RIT2: variants seen among roughly 807,000 people sequenced by gnomAD.
The protein encoded by RIT2 is GTP-binding protein Rit2.
Under a neutral mutation model 23.7 loss-of-function variants are expected in RIT2, and 24 were observed. The observed-to-expected ratio is 1.01, with a 90% confidence interval of 0.73 to 1.43. The LOEUF (loss-of-function observed/expected upper bound fraction) is 1.43, where lower values mean the gene tolerates loss of function less well. RIT2 is among the 40% of genes most tolerant of loss of function. The probability of loss-of-function intolerance (pLI) is 0.00; values close to 1 mark genes in which losing one functional copy is unlikely to be tolerated. For synonymous variants in RIT2, 107 were observed against 91.1 expected (o/e 1.17, Z -0.99); for missense variants, 236 against 266.9 (o/e 0.88, Z 0.81).
chr18:42,981,842 T>C (rs931679981), intron 2 of RIT2, among the ~76,000 whole-genome samples: 1 of 152,078 alleles, frequency 6.6e-6, no homozygotes, highest in Non-Finnish European at 1.5e-5. Flanking sequence ...GTCTCAGGAA[T>C]ATAACAGCTA....
chr18:42,904,623 A>G (rs1272301011), intron 4 of RIT2, among the ~76,000 whole-genome samples: 1 of 152,196 alleles, frequency 6.6e-6, no homozygotes, highest in Non-Finnish European at 1.5e-5. Context: ...TTTGTAGACA[A>G]ATAACAAAAT....
chr18:43,070,003 G>A (rs1175030913), intron 1 of RIT2, among the ~76,000 whole-genome samples: 1 of 152,002 alleles, frequency 6.6e-6, no homozygotes, highest in African/African-American at 2.4e-5. Context: ...TAAAATGTAA[G>A]TTCTCTAAGT....
intron 3 of RIT2, among the ~76,000 whole-genome samples, chr18:42,957,179 A>G (rs1909992164): frequency 1.3e-5 from 2 of 152,174 alleles, no homozygotes; most frequent in African/African-American, 2.4e-5. Flanking sequence ...GTGAGCCAAC[A>G]CACCCCCTTT....
At chr18:43,051,468 G>A (rs533101417) in intron 1 of RIT2, among the ~76,000 whole-genome samples, 1 of 152,166 alleles carries the variant, frequency 6.6e-6, no homozygotes, top group East Asian at 1.9e-4. Flanking sequence ...AATAGTAACA[G>A]GTTGAACAAG....
intron 4 of RIT2, among the ~76,000 whole-genome samples, chr18:42,854,454 C>T (rs1331022215): frequency 6.6e-6 from 1 of 152,112 alleles, no homozygotes; most frequent in African/African-American, 2.4e-5. Context: ...TTCCAATCAG[C>T]AGAGGGTGAA....
intron 1 of RIT2, among the ~76,000 whole-genome samples, chr18:43,040,143 T>C (rs2144292979): frequency 6.6e-6 from 1 of 152,258 alleles, no homozygotes; most frequent in African/African-American, 2.4e-5. Context: ...GCATCTACTG[T>C]GTGCTAGATA....
At chr18:42,935,549 G>A (rs1012855443) in intron 3 of RIT2, among the ~76,000 whole-genome samples, 1 of 152,066 alleles carries the variant, frequency 6.6e-6, no homozygotes, top group African/African-American at 2.4e-5. Context: ...GCCTCTGCTG[G>A]ATCCTAAGAT....
chr18:42,895,207 T>G (rs1160679997), intron 4 of RIT2, among the ~76,000 whole-genome samples: 1 of 152,200 alleles, frequency 6.6e-6, no homozygotes, highest in Non-Finnish European at 1.5e-5. Flanking sequence ...ATTCTTGTAG[T>G]GACTTAAATT....
intron 4 of RIT2, among the ~76,000 whole-genome samples, chr18:42,799,602 C>T (rs1361301441): frequency 6.6e-6 from 1 of 152,162 alleles, no homozygotes; most frequent in Admixed American, 6.5e-5. Flanking sequence ...CAGGCCTCTT[C>T]TTTTCTTCAA....
intron 4 of RIT2, among the ~76,000 whole-genome samples, chr18:42,777,543 GA>G (rs1183609888): frequency 6.6e-6 from 1 of 152,070 alleles, no homozygotes; most frequent in African/African-American, 2.4e-5. Flanking sequence ...AGTTTCAAAG[GA>G]AAAAAGTGAT....
chr18:42,814,696 T>C (rs1471481756), intron 4 of RIT2, among the ~76,000 whole-genome samples: 2 of 152,100 alleles, frequency 1.3e-5, no homozygotes, highest in African/African-American at 4.8e-5. Flanking sequence ...CCACCACCTG[T>C]TCCTCCCCAT....
intron 2 of RIT2, among the ~76,000 whole-genome samples, chr18:43,025,585 T>C (rs1020075761): frequency 6.6e-6 from 1 of 152,002 alleles, no homozygotes; most frequent in Non-Finnish European, 1.5e-5. Context: ...ATTTGACATA[T>C]CTATATGTCA....
In RIT2 at chr18:43,025,231, A is replaced by C. The variant is rs1357513570; in HGVS notation, c.160+8580T>G. 2.5e-3 allele frequency among the ~76,000 whole-genome samples: 334 copies of C among 131,664 alleles called. 1 individual carries two copies. Among genetic ancestry groups the C allele is most frequent in the East Asian group, 4.1e-3 (17 of 4,114 alleles). The allele number at this position is 131,664 out of a possible 152,430, so 86.4% of individuals were successfully genotyped here. ...CTAAAAAAAACAAAACAAAACAAAA[A>C]AAAAACAAAAAAAAAAACAGGCAGC... On this transcript the variant is annotated intron_variant, in intron 2 of 4. Coordinates refer to ENST00000326695, the MANE Select transcript of RIT2 (RefSeq NM_002930.4).
Position 42,970,412 on chromosome 18 carries a change from C to A in RIT2, c.234+3662G>T, listed in dbSNP as rs146840467. Among the ~76,000 whole-genome samples, 1,234 of 152,052 alleles carry A rather than the reference C, an allele frequency of 8.1e-3. 28 individuals are homozygous for A. The highest frequency in any genetic ancestry group is 0.028 in the African/African-American group (1,168 of 41,506). ...TGGAAAGATGCTTAGGGTACAAGTT[C>A]TTTATAATCTGAGATTTGGTGATGC... On this transcript the variant is annotated intron_variant, in intron 3 of 4. Coordinates refer to ENST00000326695, the MANE Select transcript of RIT2 (RefSeq NM_002930.4).
chr18:43,092,892 T>C (rs1344897788), intron 1 of RIT2, among the ~76,000 whole-genome samples: 1 of 152,080 alleles, frequency 6.6e-6, no homozygotes, highest in Non-Finnish European at 1.5e-5. Flanking sequence ...GGGAAGTTTC[T>C]GTCTTTTTGT....
At chr18:42,823,905 T>C (rs1255502787) in intron 4 of RIT2, among the ~76,000 whole-genome samples, 1 of 152,148 alleles carries the variant, frequency 6.6e-6, no homozygotes, top group Admixed American at 6.6e-5. Context: ...CGTGGGGAAG[T>C]TGTTTGAACA....
At chr18:43,014,822 A>G (rs1029375316) in intron 2 of RIT2, among the ~76,000 whole-genome samples, 1 of 151,730 alleles carries the variant, frequency 6.6e-6, no homozygotes. Flanking sequence ...TAAATGGAAA[A>G]ATTCTTATGT....
intron 3 of RIT2, among the ~76,000 whole-genome samples, chr18:42,937,806 T>A (rs554947481): frequency 6.6e-6 from 1 of 152,302 alleles, no homozygotes; most frequent in South Asian, 2.1e-4. Context: ...TAACCCAATC[T>A]TATCAAACTG....
chr18:43,093,121 T>C (rs1415397975), intron 1 of RIT2, among the ~76,000 whole-genome samples: 1 of 152,002 alleles, frequency 6.6e-6, no homozygotes, highest in Non-Finnish European at 1.5e-5. Flanking sequence ...AAAAAGAATA[T>C]GTGAGTAAGT....
Sources: gnomAD v4.1 joint callset for allele counts (sites outside exome capture counted in the v4.1 genomes callset) on GRCh38, gnomAD v4.1.1 for gene constraint, MANE v1.5 for transcripts, NCBI Gene and HGNC (gene_info 2026-07-23, HGNC 2026-07-21) for gene names.